The following PRDM15 variants were observed in gnomAD, a reference collection of about 807,000 sequenced individuals.
The protein encoded by PRDM15 is PR domain zinc finger protein 15.
A neutral mutation model predicts 128.6 loss-of-function variants in PRDM15; 64 were observed. That is an observed-to-expected ratio of 0.50 (90% CI 0.41 to 0.61). PRDM15 has a LOEUF of 0.61. Ranked by LOEUF, PRDM15 falls within the 20% of genes least tolerant of loss-of-function variation. The probability of loss-of-function intolerance (pLI) is 0.00; values close to 1 mark genes in which losing one functional copy is unlikely to be tolerated. For missense variants in PRDM15, 1,242 were observed against 1,569.1 expected (o/e 0.79, Z 3.52); for synonymous variants, 615 against 621.8 (o/e 0.99, Z 0.16).
chr21:41,848,333 A>T (rs2063330362), intron 5 of PRDM15, among the ~76,000 whole-genome samples: 1 of 152,258 alleles, frequency 6.6e-6, no homozygotes, highest in African/African-American at 2.4e-5. Context: ...TTTTCATAAG[A>T]TAACAAGAAG....
At chr21:41,803,176 G>A (rs2061463179) in intron 22 of PRDM15, 1 of 534,642 alleles carries the variant, frequency 1.9e-6, no homozygotes, top group Non-Finnish European at 3.4e-6. Context: ...ATGCTAAAAT[G>A]TAAACACTTC....
chr21:41,810,776 T>C lies in PRDM15; in HGVS notation c.2453A>G (p.Glu818Gly), dbSNP rs1418943139. ...ACCTGTGTGGATGAGCTTGTGGGTC[T>C]CCATGGTGTTCCTCTCGCTGAATGT... ...GKTFSERNTMETHKLIHTVGK... is the reference protein window; with the variant it reads ...GKTFSERNTMGTHKLIHTVGK... Residue 818 changes from glutamate (E) to glycine (G), a missense_variant, in exon 20 of 24, where the codon GAG (glutamate) becomes GGG (glycine). By Grantham distance (98) the Glu-to-Gly change is moderately conservative. Around this residue, in one of 3 missense-constraint regions of PRDM15, gnomAD observed 602 missense variants for 788.3 expected, o/e 0.76. Transcript: ENST00000398548. This position sits in a 1 kb window ranked among gnomAD's most constrained non-coding sequence, Gnocchi z 6.4. 1.2e-6 allele frequency: 2 copies of C among 1,613,992 alleles called. No homozygotes were observed. The highest frequency in any genetic ancestry group is 4.5e-5 in the East Asian group (2 of 44,896).
intron 10 of PRDM15, among the ~76,000 whole-genome samples, chr21:41,835,843 CTTCA>C (rs2062858061): frequency 6.6e-6 from 1 of 152,048 alleles, no homozygotes; most frequent in Non-Finnish European, 1.5e-5. Flanking sequence ...CACCCACAGC[CTTCA>C]CCCGCTCTCA....
At chr21:41,871,890 T>A (rs2064227081) in intron 1 of PRDM15, 2 of 323,066 alleles carry the variant, frequency 6.2e-6, no homozygotes, top group Non-Finnish European at 1.1e-5. Context: ...GGCCTCCACC[T>A]GCGCACACCT....
Position 41,859,229 on chromosome 21 carries a change from C to T in PRDM15, c.131+363G>A, listed in dbSNP as rs375194275. On this transcript the variant is annotated intron_variant, in intron 3 of 23. Coordinates refer to ENST00000398548, the MANE Select transcript of PRDM15 (RefSeq NM_001040424.3). The surrounding 1 kb of genome is among the most constrained non-coding windows in gnomAD (Gnocchi z 5.3). Reference sequence around the variant, plus strand: ...CACGTGTCCGCTGGCAGGCCAAGACCTGGAATGCAGAGAGAAGCCAACGAG... The same window carrying T: ...CACGTGTCCGCTGGCAGGCCAAGACTTGGAATGCAGAGAGAAGCCAACGAG... The T allele has an allele frequency of 4.3e-6, 7 of 1,613,356 alleles. No individual in the cohort carries two copies. The highest frequency in any genetic ancestry group is 1.6e-4 in the Middle Eastern group (1 of 6,068).
chr21:41,814,721 T>G (rs374039294), intron 19 of PRDM15: 201 of 110,256 alleles, frequency 1.8e-3, no homozygotes, highest in Middle Eastern at 5.7e-3. Context: ...GCTCTAGTGT[T>G]TTATGAGAAC....
At position 41,821,349 on chromosome 21, in the gene PRDM15, T is replaced by C; in HGVS notation, c.1897-119A>G. 1.7e-6 allele frequency: 2 copies of C among 1,201,174 alleles called. No individual in the cohort carries two copies. Among genetic ancestry groups the C allele is most frequent in the Non-Finnish European group, 2.4e-6 (2 of 851,012 alleles). The allele number at this position is 1,201,174 out of a possible 1,614,324, so 74.4% of individuals were successfully genotyped here. On this transcript the variant is annotated intron_variant, in intron 15 of 23. Transcript: ENST00000398548. This position sits in a 1 kb window ranked among gnomAD's most constrained non-coding sequence, Gnocchi z 5.4. ...ACACGCCCTGAGAGCCCATGACTCATGCCAGGGTGGAAGGGACTCTCAGAG... is the reference window on the plus strand; with the variant it reads ...ACACGCCCTGAGAGCCCATGACTCACGCCAGGGTGGAAGGGACTCTCAGAG...
Position 41,836,664 on chromosome 21 carries a change from C to A in PRDM15, c.1002-15G>T. 6.3e-7 allele frequency: 1 copy of A among 1,577,442 alleles called. No individual in the cohort carries two copies. Among genetic ancestry groups the A allele is most frequent in the Non-Finnish European group, 8.7e-7 (1 of 1,153,458 alleles). On this transcript the variant is annotated splice_polypyrimidine_tract_variant and intron_variant, in intron 8 of 23. Coordinates refer to ENST00000398548, the MANE Select transcript of PRDM15 (RefSeq NM_001040424.3). ...GATGGGTGAACCTGCCCAGGGACGT[C>A]AATAAGTTGGGAAAAGACAGGTGGG...
chr21:41,873,688 A>G (rs942691394), intron 1 of PRDM15, among the ~76,000 whole-genome samples: 10 of 152,110 alleles, frequency 6.6e-5, no homozygotes, highest in Non-Finnish European at 8.8e-5. Flanking sequence ...TGACATCTAT[A>G]TTTCTCATTT....
At chr21:41,846,957 T>G in intron 6 of PRDM15, 133 bp downstream of exon 6, 1 of 636,238 alleles carries the variant, frequency 1.6e-6, no homozygotes. Context: ...TTCTGGCGAC[T>G]ACATTGTGGG....
At chr21:41,825,472 C>T (rs28629263) in intron 13 of PRDM15, among the ~76,000 whole-genome samples, 92,595 of 152,136 alleles carry the variant, frequency 0.61, 28,401 homozygotes, top group Admixed American at 0.67. Flanking sequence ...TGGGCAGCGC[C>T]GGGCATCCAC....
At chr21:41,876,264 G>A (rs1388730363) in intron 1 of PRDM15, among the ~76,000 whole-genome samples, 1 of 152,192 alleles carries the variant, frequency 6.6e-6, no homozygotes, top group Admixed American at 6.5e-5. Context: ...AAGAGAAAGA[G>A]CTTTTTTCCC....
intron 16 of PRDM15, among the ~76,000 whole-genome samples, chr21:41,820,783 A>T (rs1277190659): frequency 6.6e-6 from 1 of 152,208 alleles, no homozygotes; most frequent in Non-Finnish European, 1.5e-5. Flanking sequence ...TTGCAGGAAA[A>T]AGCATTTTGG....
intron 6 of PRDM15, among the ~76,000 whole-genome samples, chr21:41,844,704 A>G (rs1301854485): frequency 5.1e-5 from 1 of 19,582 alleles, no homozygotes; most frequent in East Asian, 1.1e-3. Context: ...CTCCTCCATC[A>G]CAGGGACACA....
chr21:41,810,103 C>T lies in PRDM15; in HGVS notation c.2652+51G>A, dbSNP rs575373595. On this transcript the variant is annotated intron_variant, in intron 21 of 23. Transcript: ENST00000398548. The surrounding 1 kb of genome is among the most constrained non-coding windows in gnomAD (Gnocchi z 6.4). ...GGCCATGTGCCAGCATGGGGGTGTC[C>T]GGTGCGCGGCCCGCTGGCGGGGCAC... The T allele has an allele frequency of 4.6e-5, 71 of 1,556,886 alleles. No individual in the cohort carries two copies. The highest frequency in any genetic ancestry group is 1.0e-4 in the Admixed American group (6 of 58,478).
chr21:41,837,978 C>A lies in PRDM15; in HGVS notation c.957G>T (p.Leu319=), dbSNP rs2062951434. Residue 319 remains leucine, a synonymous_variant, in exon 8 of 24, where the codon CTG becomes CTT. Coordinates refer to ENST00000398548, the MANE Select transcript of PRDM15 (RefSeq NM_001040424.3). ...CAGTGGTGGTGGTGGCCAGCTTCCC[C>A]AGAACCAGCTCCATGATCCGCTCAT... is the stretch of plus-strand genomic sequence containing the variant. ...TPDERIMELV[L]GKLATTTTDT... is the part of the protein sequence containing the mutation. The A allele has an allele frequency of 1.2e-6, 2 of 1,614,080 alleles. 1 individual carries two copies. Among genetic ancestry groups the A allele is most frequent in the Admixed American group, 3.3e-5 (2 of 60,012 alleles).
In PRDM15 at chr21:41,798,532, C is replaced by G. The variant is rs2061350618; in HGVS notation, c.*2708G>C. On this transcript the variant is annotated 3_prime_UTR_variant, in exon 24 of 24. Transcript: ENST00000398548. Reference sequence around the variant, plus strand: ...GTCACACGCTAGAGCATTCCAGAGGCCCGAGCCCCTTCTCAACCCACAGAC... The same window carrying G: ...GTCACACGCTAGAGCATTCCAGAGGGCCGAGCCCCTTCTCAACCCACAGAC... The G allele has an allele frequency of 6.6e-6, 1 of 152,296 alleles. No individual in the cohort carries two copies. The highest frequency in any genetic ancestry group is 6.5e-5 in the Admixed American group (1 of 15,288). 9.4% of individuals were successfully genotyped at this position (152,296 alleles called of 1,614,324 possible). A position where few individuals can be genotyped will look rare whatever the true frequency, so the allele number is the denominator to read the frequency against.
At chr21:41,865,975 C>T (rs979680455) in intron 1 of PRDM15, among the ~76,000 whole-genome samples, 52 of 152,108 alleles carry the variant, frequency 3.4e-4, no homozygotes, top group Admixed American at 2.0e-3. Context: ...AAACTCCTGG[C>T]CTCAAGCAAT....
Position 41,879,153 on chromosome 21 carries a change from G to A in PRDM15, c.-10+117C>T. ...GGGCGGCGCGCGGCTGCCGGGCGCG[G>A]GGGGCGGGGGGCAGCGGGCCCAGGG... On this transcript the variant is annotated intron_variant, in intron 1 of 23. Transcript: ENST00000398548. This position sits in a 1 kb window ranked among gnomAD's most constrained non-coding sequence, Gnocchi z 5.1. 2 of 943,406 alleles carry A rather than the reference G, an allele frequency of 2.1e-6. No homozygotes were observed. The highest frequency in any genetic ancestry group is 2.6e-6 in the Non-Finnish European group (2 of 782,712). 58.4% of individuals were successfully genotyped at this position (943,406 alleles called of 1,614,324 possible).
Sources: allele counts gnomAD v4.1 joint callset (sites outside exome capture counted in the v4.1 genomes callset), GRCh38; gene constraint gnomAD v4.1.1; regional missense constraint gnomAD v4.1.1; non-coding constraint Gnocchi (gnomAD v3.1); transcripts MANE v1.5; gene names NCBI Gene and HGNC (gene_info 2026-07-23, HGNC 2026-07-21).